AXL: variants seen among roughly 807,000 people sequenced by gnomAD.
AXL encodes the protein tyrosine-protein kinase receptor UFO.
AXL carries 52 observed loss-of-function variants against 104.5 expected under a neutral mutation model. The observed-to-expected ratio is 0.50, with a 90% CI of 0.40 to 0.63. AXL has a LOEUF of 0.63. Among genes scored for constraint, AXL ranks in the 20% least tolerant of loss-of-function variants. The pLI is 0.00. For missense variants in AXL, 1,024 were observed against 1,188.5 expected, an observed-to-expected ratio of 0.86 and a Z score of 2.04; for synonymous variants, 455 against 473.7, an observed-to-expected ratio of 0.96 and a Z score of 0.51.
intron 12 of AXL, 96 bp from the exon 13 acceptor site, chr19:41,248,418 A>G: frequency 8.5e-7 from 1 of 1,177,566 alleles, no homozygotes; most frequent in Non-Finnish European, 1.3e-6. Context: ...GAAGTATGTC[A>G]GTGTTTCAAC....
intron 9 of AXL, 53 bp downstream of exon 9, chr19:41,239,367 C>T: frequency 1.3e-6 from 2 of 1,534,202 alleles, no homozygotes; most frequent in South Asian, 1.3e-5. Flanking sequence ...CCCTGACAGC[C>T]CTGACTTACT....
chr19:41,231,087 TGG>T, intron 5 of AXL, 40 bp downstream of exon 5: 1 of 1,612,050 alleles, frequency 6.2e-7, no homozygotes, highest in Non-Finnish European at 8.5e-7. Flanking sequence ...CGTCAGAGGG[TGG>T]GGTTTGGGTC....
chr19:41,234,665 C>G (rs2122226959), intron 6 of AXL, among the ~76,000 whole-genome samples: 1 of 152,260 alleles, frequency 6.6e-6, no homozygotes, highest in Admixed American at 6.5e-5. Flanking sequence ...ACTGTGATGC[C>G]CATTTTCCAG....
At chr19:41,252,297 G>A in intron 14 of AXL, 54 bp from the exon 15 acceptor site, 1 of 1,433,860 alleles carries the variant, frequency 7.0e-7, no homozygotes, top group African/African-American at 1.4e-5. Flanking sequence ...GGAGGTGGAG[G>A]GAGAGTCCTC....
At chr19:41,258,642 T>A (rs2034490255) in intron 19 of AXL, among the ~76,000 whole-genome samples, 1 of 152,190 alleles carries the variant, frequency 6.6e-6, no homozygotes. Flanking sequence ...GGTCTTGATA[T>A]CGTGACCTCA....
intron 10 of AXL, among the ~76,000 whole-genome samples, chr19:41,241,114 C>A (rs1204871612): frequency 6.6e-6 from 1 of 152,184 alleles, no homozygotes; most frequent in Non-Finnish European, 1.5e-5. Flanking sequence ...ATTCCTTGCT[C>A]ACTCCTTGTA....
At chr19:41,238,191 C>T in intron 7 of AXL, 37 bp downstream of exon 7, 1 of 1,604,776 alleles carries the variant, frequency 6.2e-7, no homozygotes, top group Non-Finnish European at 8.5e-7. Context: ...CACCACTGCC[C>T]CACCGGACCT....
Position 41,257,562 on chromosome 19 carries a change from A to G in AXL, c.2266A>G (p.Ser756Gly), listed in dbSNP as rs1489549358. 1.2e-6 allele frequency: 2 copies of G among 1,614,214 alleles called. No individual in the cohort carries two copies. Among genetic ancestry groups the G allele is most frequent in the South Asian group, 2.2e-5 (2 of 91,082 alleles). The part of the protein sequence containing the change: ...GQTPYPGVEN[S>G]EIYDYLRQGN... ...AACCCCATATCCGGGCGTGGAGAAC[A>G]GCGAGATTTATGACTATCTGCGCCA... The change falls in exon 19 of 20, where the codon AGC becomes GGC. Residue 756 changes from serine (S) to glycine (G), a missense_variant. Ser to Gly is a moderately conservative substitution (Grantham distance 56, BLOSUM62 0). Around this residue, in one of 5 missense-constraint regions of AXL, gnomAD observed 523 missense variants for 636.0 expected, o/e 0.82. Transcript: ENST00000301178.
chr19:41,260,937 T>C lies in AXL; in HGVS notation c.*1033T>C, dbSNP rs2034531155. 1 of 152,148 alleles carries C rather than the reference T, an allele frequency of 6.6e-6. No individual in the cohort carries two copies. The highest frequency in any genetic ancestry group is 2.4e-5 in the African/African-American group (1 of 41,422). The allele number at this position is 152,148 out of a possible 1,614,324, so 9.4% of individuals were successfully genotyped here. ...GGCTTCAAAATGTTATCTTCTCAAGTTCTAAGATTCTAATGATGATCAATT... is the reference window on the plus strand; with the variant it reads ...GGCTTCAAAATGTTATCTTCTCAAGCTCTAAGATTCTAATGATGATCAATT... On this transcript the variant is annotated 3_prime_UTR_variant, in exon 20 of 20. Transcript: ENST00000301178.
intron 17 of AXL, 25 bp downstream of exon 17, chr19:41,253,733 C>CA: frequency 6.5e-7 from 1 of 1,537,784 alleles, no homozygotes; most frequent in South Asian, 1.2e-5. Context: ...GGGACCCCCC[C>CA]CCCCCAACTG....
intron 11 of AXL, 27 bp downstream of exon 11, chr19:41,243,042 G>T (rs1403218349): frequency 1.2e-6 from 2 of 1,613,812 alleles, no homozygotes. Context: ...TGGGGAGGCT[G>T]TGTGGCCTGG....
At chr19:41,248,203 C>T (rs774101838) in intron 12 of AXL, among the ~76,000 whole-genome samples, 1 of 152,210 alleles carries the variant, frequency 6.6e-6, no homozygotes, top group Non-Finnish European at 1.5e-5. Context: ...GGATTACAGG[C>T]GTAAGCCACT....
chr19:41,243,577 G>A (rs980654295), intron 11 of AXL, 39 bp from the exon 12 acceptor site: 3 of 1,518,434 alleles, frequency 2.0e-6, no homozygotes, highest in Admixed American at 3.3e-5. Flanking sequence ...GGTTCCACAT[G>A]GTTTTTCCCT....
chr19:41,253,594 C>A lies in AXL; in HGVS notation c.1927-5C>A. ...CCTCTCCTCCCACCTGCCTTGGCTC[C>A]CCAGTACCTGCCCACTCAGATGCTA... On this transcript the variant is annotated splice_region_variant and splice_polypyrimidine_tract_variant and intron_variant, in intron 16 of 19. Transcript: ENST00000301178. 6.2e-7 allele frequency: 1 copy of A among 1,611,298 alleles called. No homozygotes were observed. Among genetic ancestry groups the A allele is most frequent in the Non-Finnish European group, 8.5e-7 (1 of 1,178,272 alleles).
At position 41,235,652 on chromosome 19, in the gene AXL, G is replaced by T. The variant is rs79246881; in HGVS notation, c.784-2292G>T. Among the ~76,000 whole-genome samples the T allele has an allele frequency of 2.6e-4, 40 of 152,210 alleles. No individual in the cohort carries two copies. The South Asian group carries it at 8.3e-3, about 32-fold the overall frequency. ...TGTTACCATTACTGATATTCTTACCGCCAGTAGAGCAAAGACTCTGGGGAC... is the reference window on the plus strand; with the variant it reads ...TGTTACCATTACTGATATTCTTACCTCCAGTAGAGCAAAGACTCTGGGGAC... On this transcript the variant is annotated intron_variant, in intron 6 of 19. Coordinates refer to ENST00000301178, the MANE Select transcript of AXL (RefSeq NM_021913.5).
At chr19:41,241,580 GAAAGAAAAGAA>G (rs1039055276) in intron 10 of AXL, among the ~76,000 whole-genome samples, 3 of 147,094 alleles carry the variant, frequency 2.0e-5, no homozygotes, top group African/African-American at 5.0e-5. Flanking sequence ...AAGAAAAAAA[GAAAGAAAAGAA>G]AAAGAAAAGA....
intron 4 of AXL, 39 bp downstream of exon 4, chr19:41,222,095 C>G: frequency 6.8e-7 from 1 of 1,474,196 alleles, no homozygotes; most frequent in South Asian, 1.4e-5. Context: ...AATAGGGGGC[C>G]GGGCAGGGCT....
chr19:41,242,769 G>A (rs2122246519), intron 10 of AXL, 114 bp from the exon 11 acceptor site: 3 of 1,360,258 alleles, frequency 2.2e-6, no homozygotes, highest in Non-Finnish European at 3.1e-6. Context: ...ACCTCATCAA[G>A]TATGTGCACA....
intron 12 of AXL, 34 bp downstream of exon 12, chr19:41,243,741 G>T: frequency 6.3e-7 from 1 of 1,576,356 alleles, no homozygotes; most frequent in Non-Finnish European, 8.7e-7. Flanking sequence ...GCCCTGGCCT[G>T]GATCTAAAGG....
Sources: gnomAD v4.1 joint callset for allele counts (sites outside exome capture counted in the v4.1 genomes callset) on GRCh38, gnomAD v4.1.1 for gene constraint, gnomAD v4.1.1 regional missense constraint, MANE v1.5 for transcripts, NCBI Gene and HGNC (gene_info 2026-07-23, HGNC 2026-07-21) for gene names.